The following ADPRHL1 variants were observed in gnomAD, a reference collection of about 807,000 sequenced individuals.
ADPRHL1 encodes the protein ADP-ribosylhydrolase like 1.
In ADPRHL1, 43 loss-of-function variants were observed where a neutral mutation model predicts 44.1. The ratio of observed to expected loss-of-function variants is 0.98; its 90% CI spans 0.76 to 1.26. The LOEUF (loss-of-function observed/expected upper bound fraction) is 1.26, where lower values mean the gene tolerates loss of function less well. Among genes scored for constraint, ADPRHL1 ranks in the 50% most tolerant of loss-of-function variants. The pLI is 0.00. For missense variants in ADPRHL1, 2,022 were observed against 2,496.9 expected (o/e 0.81, Z 4.05); for synonymous variants, 878 against 1,017.4 (o/e 0.86, Z 2.61).
chr13:113,425,521 AC>A (rs1484904218), intron 4 of ADPRHL1, among the ~76,000 whole-genome samples: 2 of 151,858 alleles, frequency 1.3e-5, no homozygotes, highest in Non-Finnish European at 2.9e-5. Flanking sequence ...ACAGCTGCCC[AC>A]CACCACACCC....
At chr13:113,430,615 C>CCATGTGGACGGAATCATG (rs1406993307) in intron 3 of ADPRHL1, among the ~76,000 whole-genome samples, 3 of 152,018 alleles carry the variant, frequency 2.0e-5, no homozygotes, top group Non-Finnish European at 2.9e-5. Context: ...TGTGGAGGAA[C>CCATGTGGACGGAATCATG]TGGTGATATC....
intron 7 of ADPRHL1, among the ~76,000 whole-genome samples, chr13:113,420,946 T>TA (rs2043913941): frequency 2.1e-4 from 1 of 4,808 alleles, no homozygotes; most frequent in Non-Finnish European, 4.9e-4. Flanking sequence ...GGGACAACCC[T>TA]ACCCCCCCCG....
intron 4 of ADPRHL1, 64 bp downstream of exon 4, chr13:113,428,878 TTGGGGGCCCA>T (rs2043986022): frequency 1.3e-6 from 2 of 1,590,796 alleles, no homozygotes; most frequent in African/African-American, 1.3e-5. Flanking sequence ...CTTGAAGTAT[TTGGGGGCCCA>T]TGGAGGGGCT....
chr13:113,453,078 A>AAGCC lies in ADPRHL1; in HGVS notation c.214+145_214+146insGGCT. 1.2e-6 allele frequency: 1 copy of AAGCC among 829,478 alleles called. No homozygotes were observed. Among genetic ancestry groups the AAGCC allele is most frequent in the Non-Finnish European group, 1.9e-6 (1 of 536,510 alleles). 51.4% of individuals were successfully genotyped at this position (829,478 alleles called of 1,614,324 possible). A position where few individuals can be genotyped will look rare whatever the true frequency, so the allele number is the denominator to read the frequency against. On this transcript the variant is annotated intron_variant, in intron 1 of 7. Coordinates refer to ENST00000612156, the MANE Select transcript of ADPRHL1 (RefSeq NM_001394807.1). This position sits in a 1 kb window ranked among gnomAD's most constrained non-coding sequence, Gnocchi z 5.4. ...TCAAATTTGAGGGACACTCAGATTA[A>AAGCC]ATTGCCACTTTTAGCAGCGGTATCA...
intron 1 of ADPRHL1, chr13:113,449,024 G>A (rs1183926487): frequency 4.1e-6 from 4 of 986,410 alleles, no homozygotes; most frequent in African/African-American, 1.7e-5. Flanking sequence ...CAAGTGACTT[G>A]GTGATAATGC....
intron 7 of ADPRHL1, among the ~76,000 whole-genome samples, chr13:113,418,279 C>T (rs763508502): frequency 1.3e-5 from 2 of 152,164 alleles, no homozygotes; most frequent in African/African-American, 2.4e-5. Flanking sequence ...CATTCAAATG[C>T]CACCTGCTGC....
At chr13:113,434,520 A>G (rs192029533) in intron 2 of ADPRHL1, among the ~76,000 whole-genome samples, 104 of 133,174 alleles carry the variant, frequency 7.8e-4, no homozygotes, top group African/African-American at 2.5e-3. Context: ...CAGCATCCAC[A>G]TGTAGAGTGA....
At position 113,407,678 on chromosome 13, in the gene ADPRHL1, C is replaced by G. The variant is rs1234765938; in HGVS notation, c.1604G>C (p.Arg535Thr). 1 of 1,231,960 alleles carries G rather than the reference C, an allele frequency of 8.1e-7. No individual in the cohort carries two copies. The highest frequency in any genetic ancestry group is 3.2e-5 in the East Asian group (1 of 31,724). 76.3% of individuals were successfully genotyped at this position (1,231,960 alleles called of 1,614,324 possible). A position where few individuals can be genotyped will look rare whatever the true frequency, so the allele number is the denominator to read the frequency against. The change falls in exon 8 of 8, where the codon AGG becomes ACG. Residue 535 changes from arginine to threonine, a missense_variant. Transcript: ENST00000612156. ...KPPVERPKAA[R>T]GLLPKIMGKS... is the part of the protein sequence containing the mutation. ...GCCCATGATCTTCGGCAAGAGGCCC[C>G]TGGCGGCTTTGGGCCGCTCCACAGG...
Position 113,407,506 on chromosome 13 carries a change from C to A in ADPRHL1, c.1776G>T (p.Val592=), listed in dbSNP as rs1408835496. The A allele has an allele frequency of 3.2e-6, 4 of 1,232,170 alleles. No homozygotes were observed. Among genetic ancestry groups the A allele is most frequent in the Middle Eastern group, 3.1e-4 (1 of 3,208 alleles). The allele number at this position is 1,232,170 out of a possible 1,614,324, so 76.3% of individuals were successfully genotyped here. A position where few individuals can be genotyped will look rare whatever the true frequency, so the allele number is the denominator to read the frequency against. ...RKRMHRPEVR[V]LHTATMASTC... ...TGCTGGCCATGGTGGCCGTGTGCAG[C>A]ACGCGCACCTCCGGCCGGTGCATCC... Residue 592 remains valine (V), a synonymous_variant, in exon 8 of 8, where the codon GTG becomes GTT. Coordinates refer to ENST00000612156, the MANE Select transcript of ADPRHL1 (RefSeq NM_001394807.1).
intron 4 of ADPRHL1, among the ~76,000 whole-genome samples, chr13:113,427,612 C>A (rs916365922): frequency 1.3e-5 from 2 of 152,064 alleles, no homozygotes; most frequent in African/African-American, 4.8e-5. Context: ...TGGCACACTG[C>A]AACCTCCGCT....
chr13:113,412,053 G>A (rs187758571), intron 7 of ADPRHL1, among the ~76,000 whole-genome samples: 1 of 152,290 alleles, frequency 6.6e-6, no homozygotes, highest in African/African-American at 2.4e-5. Context: ...TCCTTCTTCC[G>A]GGGTCTACTC....
rs888398260 is a variant in ADPRHL1, at chr13:113,408,008, C to T, written c.1274G>A (p.Arg425Gln). 19 of 1,232,690 alleles carry T rather than the reference C, an allele frequency of 1.5e-5. No individual in the cohort carries two copies. Among genetic ancestry groups the T allele is most frequent in the East Asian group, 1.3e-4 (4 of 31,736 alleles). The allele number at this position is 1,232,690 out of a possible 1,614,324, so 76.4% of individuals were successfully genotyped here. A position where few individuals can be genotyped will look rare whatever the true frequency, so the allele number is the denominator to read the frequency against. ...HQPQTQEATQ[R>Q]PTRFQLLQAK... is the part of the protein sequence containing the mutation. ...CTGCAGGAGCTGGAAGCGCGTGGGC[C>T]GCTGGGTGGCCTCCTGGGTCTGGGG... The change falls in exon 8 of 8, where the codon CGG (arginine) becomes CAG (glutamine). Residue 425 changes from arginine (R) to glutamine (Q), a missense_variant. Coordinates refer to ENST00000612156, the MANE Select transcript of ADPRHL1 (RefSeq NM_001394807.1).
rs148744859 is a variant in ADPRHL1, at chr13:113,448,216, C to T, written c.215-3627G>A. On this transcript the variant is annotated intron_variant, in intron 1 of 7. Coordinates refer to ENST00000612156, the MANE Select transcript of ADPRHL1 (RefSeq NM_001394807.1). ...CAGTTTCTAAAGCTGCCTGAGGGGC[C>T]GGGTGCAGTGGCTCACACCTGTAAT... Among the ~76,000 whole-genome samples, 539 of 152,038 alleles carry T rather than the reference C, an allele frequency of 3.5e-3. 4 individuals are homozygous for T. Among genetic ancestry groups the T allele is most frequent in the African/African-American group, 0.012 (512 of 41,446 alleles).
chr13:113,425,251 GT>G, intron 4 of ADPRHL1, 72 bp from the exon 5 acceptor site: 1 of 1,218,406 alleles, frequency 8.2e-7, no homozygotes. Context: ...GGAGTTGGGG[GT>G]GGGGAGGGTG....
At chr13:113,429,213 T>G in intron 3 of ADPRHL1, 121 bp from the exon 4 acceptor site, 1 of 1,336,226 alleles carries the variant, frequency 7.5e-7, no homozygotes, top group East Asian at 2.5e-5. Flanking sequence ...GTCTTTCCCA[T>G]GTTCAGGTGC....
At chr13:113,411,351 G>A (rs1566466895) in intron 7 of ADPRHL1, among the ~76,000 whole-genome samples, 2 of 152,180 alleles carry the variant, frequency 1.3e-5, no homozygotes, top group Admixed American at 6.5e-5. Context: ...TGTCGAGGCT[G>A]AGCGTCTGTT....
At chr13:113,442,545 G>A (rs1436683942) in intron 2 of ADPRHL1, among the ~76,000 whole-genome samples, 8 of 152,156 alleles carry the variant, frequency 5.3e-5, no homozygotes, top group African/African-American at 1.2e-4. Context: ...CACTCACATC[G>A]CTCTGACAAG....
chr13:113,439,516 C>T (rs1369470193), intron 2 of ADPRHL1, among the ~76,000 whole-genome samples: 1 of 150,996 alleles, frequency 6.6e-6, no homozygotes, highest in Non-Finnish European at 1.5e-5. Context: ...GATGTGATCT[C>T]GGCTCACTGC....
intron 7 of ADPRHL1, among the ~76,000 whole-genome samples, chr13:113,415,782 G>GAGA (rs1306430320): frequency 2.1e-5 from 3 of 141,070 alleles, no homozygotes; most frequent in Non-Finnish European, 4.6e-5. Flanking sequence ...GAGAGAGAGA[G>GAGA]AGAAGCAAGC....
Sources: allele counts gnomAD v4.1 joint callset (sites outside exome capture counted in the v4.1 genomes callset), GRCh38; gene constraint gnomAD v4.1.1; non-coding constraint Gnocchi (gnomAD v3.1); transcripts MANE v1.5; gene names NCBI Gene and HGNC (gene_info 2026-07-23, HGNC 2026-07-21).